Variants in SGPL1 observed in about 807,000 individuals in gnomAD.
The protein encoded by SGPL1 is SP-lyase 1.
Under a neutral mutation model 68.9 loss-of-function variants are expected in SGPL1, and 37 were observed. The observed-to-expected ratio is 0.54, with a 90% confidence interval of 0.41 to 0.71. The LOEUF is 0.71. SGPL1 is among the 30% of genes least tolerant of loss of function. The probability of loss-of-function intolerance (pLI) is 0.00; values close to 1 mark genes in which losing one functional copy is unlikely to be tolerated. For missense variants in SGPL1, 551 were observed against 704.6 expected, an observed-to-expected ratio of 0.78 and a Z score of 2.47; for synonymous variants, 236 against 248.5, an observed-to-expected ratio of 0.95 and a Z score of 0.47.
chr10:70,816,924 T>C, intron 2 of SGPL1, 44 bp downstream of exon 2: 2 of 1,600,080 alleles, frequency 1.2e-6, no homozygotes, highest in African/African-American at 1.3e-5. Context: ...GGCATTTGTC[T>C]CCGTTTTTTT....
intron 8 of SGPL1, 92 bp downstream of exon 8, chr10:70,868,525 GCTTCT>G: frequency 9.9e-7 from 1 of 1,011,262 alleles, no homozygotes; most frequent in South Asian, 1.3e-5. Flanking sequence ...TTTTCCTGCT[GCTTCT>G]CTTCCTCTGG....
rs199693800 is a variant in SGPL1, at chr10:70,816,843, G to A, written c.-11G>A. 2 of 1,613,782 alleles carry A rather than the reference G, an allele frequency of 1.2e-6. No individual in the cohort carries two copies. Among genetic ancestry groups the A allele is most frequent in the Non-Finnish European group, 1.7e-6 (2 of 1,179,794 alleles). ...AAAAGGGGAGCGCGGAGAGGAGGCT[G>A]GAAGAGGAAGATGCCTAGCACAGAC... On this transcript the variant is annotated 5_prime_UTR_variant, in exon 2 of 15. Coordinates refer to ENST00000373202, the MANE Select transcript of SGPL1 (RefSeq NM_003901.4).
chr10:70,853,047 T>A (rs1845912445), intron 4 of SGPL1, among the ~76,000 whole-genome samples: 1 of 152,204 alleles, frequency 6.6e-6, no homozygotes, highest in Admixed American at 6.5e-5. Context: ...TTTTGTCTGT[T>A]TTATGGCAAT....
intron 4 of SGPL1, among the ~76,000 whole-genome samples, chr10:70,852,791 C>A (rs188867314): frequency 6.6e-6 from 1 of 152,260 alleles, no homozygotes; most frequent in Admixed American, 6.5e-5. Flanking sequence ...TATTGAGCCA[C>A]CTGCTCAGTG....
At chr10:70,831,481 T>G (rs2131862222) in intron 2 of SGPL1, among the ~76,000 whole-genome samples, 1 of 152,186 alleles carries the variant, frequency 6.6e-6, no homozygotes, top group East Asian at 1.9e-4. Flanking sequence ...TGACCTCCTC[T>G]TGGATTGGAT....
At chr10:70,836,337 TG>T (rs1845627020) in intron 2 of SGPL1, among the ~76,000 whole-genome samples, 1 of 152,198 alleles carries the variant, frequency 6.6e-6, no homozygotes, top group African/African-American at 2.4e-5. Context: ...TATGATGTTT[TG>T]AAGCCCAGAG....
chr10:70,863,553 T>A lies in SGPL1; in HGVS notation c.615+4054T>A, dbSNP rs10999570. On this transcript the variant is annotated intron_variant, in intron 7 of 14. Coordinates refer to ENST00000373202, the MANE Select transcript of SGPL1 (RefSeq NM_003901.4). The stretch of plus-strand genomic sequence containing the variant: ...ACCTAGGGATTCTTTGAGGCCTAGA[T>A]TGAAGTTAAGTCTGGAAGTTCTCTT... Among the ~76,000 whole-genome samples the A allele has an allele frequency of 3.3e-5, 5 of 151,890 alleles. No individual in the cohort carries two copies. The East Asian group carries it at 9.7e-4, about 29-fold the overall frequency.
intron 7 of SGPL1, among the ~76,000 whole-genome samples, chr10:70,861,731 C>A (rs1846060132): frequency 6.6e-6 from 1 of 152,204 alleles, no homozygotes; most frequent in East Asian, 1.9e-4. Flanking sequence ...GGGCCCCGCA[C>A]TCGGAGCAGC....
At chr10:70,818,476 T>C (rs1217318578) in intron 2 of SGPL1, among the ~76,000 whole-genome samples, 1 of 152,232 alleles carries the variant, frequency 6.6e-6, no homozygotes, top group African/African-American at 2.4e-5. Flanking sequence ...AAATCAGTGC[T>C]TTAAAAACAA....
At chr10:70,845,385 G>A (rs1845775845) in intron 3 of SGPL1, among the ~76,000 whole-genome samples, 1 of 152,116 alleles carries the variant, frequency 6.6e-6, no homozygotes, top group African/African-American at 2.4e-5. Flanking sequence ...CTTGCTATGT[G>A]CCAGGCACTG....
intron 10 of SGPL1, 91 bp from the exon 11 acceptor site, chr10:70,871,746 G>T (rs1846300932): frequency 7.9e-7 from 1 of 1,265,224 alleles, no homozygotes. Context: ...ATAGCCTTGT[G>T]TTTATAGCCC....
At chr10:70,875,374 C>G in intron 12 of SGPL1, 28 bp from the exon 13 acceptor site, 219 of 1,474,658 alleles carry the variant, frequency 1.5e-4, no homozygotes, top group Non-Finnish European at 1.9e-4. Context: ...TTTACTTTTT[C>G]TTCCTTCATT....
At chr10:70,819,206 G>A (rs1255892327) in intron 2 of SGPL1, among the ~76,000 whole-genome samples, 1 of 152,196 alleles carries the variant, frequency 6.6e-6, no homozygotes, top group Non-Finnish European at 1.5e-5. Flanking sequence ...TTCTCTAGCT[G>A]TTGCCACCAC....
chr10:70,847,676 C>T (rs1317662142), intron 3 of SGPL1, among the ~76,000 whole-genome samples: 1 of 152,080 alleles, frequency 6.6e-6, no homozygotes, highest in Non-Finnish European at 1.5e-5. Flanking sequence ...TTAGCACATA[C>T]ACACACAGCA....
chr10:70,829,355 C>T (rs930886845), intron 2 of SGPL1, among the ~76,000 whole-genome samples: 3 of 152,150 alleles, frequency 2.0e-5, no homozygotes, highest in African/African-American at 7.2e-5. Context: ...GAAAATACAA[C>T]ATAGGCATGG....
At chr10:70,849,474 CA>C (rs1159377883) in intron 3 of SGPL1, among the ~76,000 whole-genome samples, 1 of 152,142 alleles carries the variant, frequency 6.6e-6, no homozygotes, top group Admixed American at 6.5e-5. Flanking sequence ...AAAATTTAAA[CA>C]AAAAGTAACC....
intron 9 of SGPL1, 86 bp downstream of exon 9, chr10:70,869,983 G>A (rs1846263490): frequency 1.0e-6 from 1 of 991,870 alleles, no homozygotes. Context: ...CCAGTCAGAT[G>A]GGTCTGACTG....
chr10:70,822,201 T>C (rs755263312), intron 2 of SGPL1, among the ~76,000 whole-genome samples: 14 of 152,068 alleles, frequency 9.2e-5, no homozygotes, highest in African/African-American at 1.4e-4. Flanking sequence ...GGAAAATTCA[T>C]TGGGATTGTT....
At chr10:70,864,209 C>T (rs1429807159) in intron 7 of SGPL1, among the ~76,000 whole-genome samples, 1 of 152,082 alleles carries the variant, frequency 6.6e-6, no homozygotes, top group Non-Finnish European at 1.5e-5. Flanking sequence ...TTGAAAGCCC[C>T]TTTCTCCCTG....
Sources: gnomAD v4.1 joint callset for allele counts (sites outside exome capture counted in the v4.1 genomes callset) on GRCh38, gnomAD v4.1.1 for gene constraint, MANE v1.5 for transcripts, NCBI Gene and HGNC (gene_info 2026-07-23, HGNC 2026-07-21) for gene names.